Variants in GNA14 observed in about 807,000 individuals in gnomAD.
The protein encoded by GNA14 is guanine nucleotide-binding protein subunit alpha-14.
In GNA14, 50 loss-of-function variants were observed where a neutral mutation model predicts 42.0. The observed-to-expected ratio is 1.19, with a 90% CI of 0.95 to 1.51. The LOEUF (loss-of-function observed/expected upper bound fraction) is 1.51. Ranked by LOEUF, GNA14 falls within the 40% of genes most tolerant of loss-of-function variation. The pLI, the probability that GNA14 is intolerant of heterozygous loss-of-function variation, is 0.00. For synonymous variants in GNA14, 173 were observed against 163.1 expected (o/e 1.06, Z -0.46); for missense variants, 473 against 446.2 (o/e 1.06, Z -0.54).
intron 1 of GNA14, among the ~76,000 whole-genome samples, chr9:77,542,838 C>T (rs1481254703): frequency 3.3e-5 from 5 of 152,152 alleles, no homozygotes; most frequent in Admixed American, 1.3e-4. Context: ...CCCCTGATGG[C>T]AGGCTGAAGT....
Position 77,534,693 on chromosome 9 carries a change from C to T in GNA14, c.125-5440G>A, listed in dbSNP as rs143659260. Among the ~76,000 whole-genome samples, 812 of 152,274 alleles carry T rather than the reference C, an allele frequency of 5.3e-3. 9 individuals are homozygous for T. Among genetic ancestry groups the T allele is most frequent in the African/African-American group, 0.019 (778 of 41,550 alleles). ...CATGCTGTCTAAATCATCTATGTGCCCAACAGGCGGAAGACAGACATGCGC... is the reference window on the plus strand; with the variant it reads ...CATGCTGTCTAAATCATCTATGTGCTCAACAGGCGGAAGACAGACATGCGC... On this transcript the variant is annotated intron_variant, in intron 1 of 6. Coordinates refer to ENST00000341700, the MANE Select transcript of GNA14 (RefSeq NM_004297.4).
intron 2 of GNA14, among the ~76,000 whole-genome samples, chr9:77,464,860 G>A (rs1246200547): frequency 6.6e-6 from 1 of 152,128 alleles, no homozygotes; most frequent in Non-Finnish European, 1.5e-5. Flanking sequence ...TACAAGCAGT[G>A]TTTTTTTAAG....
intron 1 of GNA14, among the ~76,000 whole-genome samples, chr9:77,569,623 GAAGA>G (rs1189679317): frequency 1.3e-5 from 2 of 152,192 alleles, no homozygotes; most frequent in Non-Finnish European, 2.9e-5. Flanking sequence ...AAGGTGGAAA[GAAGA>G]AAGAGCCCAG....
chr9:77,599,743 A>T (rs551486611), intron 1 of GNA14, among the ~76,000 whole-genome samples: 1 of 152,254 alleles, frequency 6.6e-6, no homozygotes, highest in East Asian at 1.9e-4. Context: ...GCCTCCTTCA[A>T]TCTATGGCAT....
chr9:77,618,803 T>C (rs1164231303), intron 1 of GNA14, among the ~76,000 whole-genome samples: 1 of 146,832 alleles, frequency 6.8e-6, no homozygotes, highest in Non-Finnish European at 1.5e-5. Flanking sequence ...CCGGCTAATT[T>C]TTTGTATTTT....
intron 1 of GNA14, among the ~76,000 whole-genome samples, chr9:77,545,011 G>A (rs945890655): frequency 3.9e-5 from 6 of 152,020 alleles, no homozygotes; most frequent in African/African-American, 1.4e-4. Context: ...TTGTCCAAAA[G>A]TTTGGTTTTG....
intron 2 of GNA14, among the ~76,000 whole-genome samples, chr9:77,449,041 G>A (rs1370769553): frequency 6.6e-6 from 1 of 152,160 alleles, no homozygotes; most frequent in African/African-American, 2.4e-5. Flanking sequence ...TGGTATGATA[G>A]GATGTAAGAT....
chr9:77,639,960 C>G (rs1020444098), intron 1 of GNA14, among the ~76,000 whole-genome samples: 2 of 152,214 alleles, frequency 1.3e-5, no homozygotes, highest in East Asian at 1.9e-4. Context: ...TTTTCTTCCT[C>G]TAACAGTAGT....
intron 2 of GNA14, among the ~76,000 whole-genome samples, chr9:77,462,163 G>A (rs902332440): frequency 2.0e-5 from 3 of 152,028 alleles, no homozygotes; most frequent in Non-Finnish European, 4.4e-5. Context: ...CCGGAAACAC[G>A]ACATTTTCAT....
chr9:77,591,781 T>A (rs1447619307), intron 1 of GNA14, among the ~76,000 whole-genome samples: 2 of 152,122 alleles, frequency 1.3e-5, no homozygotes, highest in East Asian at 3.8e-4. Context: ...ATTTTAAACA[T>A]CCCGTCTGGC....
chr9:77,563,870 G>A (rs971244990), intron 1 of GNA14, among the ~76,000 whole-genome samples: 9 of 152,124 alleles, frequency 5.9e-5, no homozygotes, highest in African/African-American at 2.2e-4. Context: ...AGCATTACAT[G>A]TTTGTTTGTC....
chr9:77,589,395 TTTTTG>T (rs1387411458), intron 1 of GNA14, among the ~76,000 whole-genome samples: 2 of 152,214 alleles, frequency 1.3e-5, no homozygotes, highest in East Asian at 3.8e-4. Context: ...CGGTTTTCTT[TTTTTG>T]TTTTGTTTTT....
At chr9:77,517,596 T>C (rs1184334311) in intron 2 of GNA14, 22 of 62,712 alleles carry the variant, frequency 3.5e-4, no homozygotes, top group Middle Eastern at 6.9e-3. Context: ...TTTTCTTTTT[T>C]TTTTTTTTTT....
At chr9:77,524,659 C>CA (rs1243563152) in intron 2 of GNA14, among the ~76,000 whole-genome samples, 7 of 152,276 alleles carry the variant, frequency 4.6e-5, no homozygotes, top group Admixed American at 3.3e-4. Context: ...ATCAGTTTAT[C>CA]ATTTTATGAC....
rs1235175441 is a variant in GNA14 at position 77,425,643 on chromosome 9, T to A, written c.796A>T (p.Ile266Phe). 2 of 1,608,882 alleles carry A rather than the reference T, an allele frequency of 1.2e-6. No homozygotes were observed. Among genetic ancestry groups the A allele is most frequent in the South Asian group, 1.1e-5 (1 of 90,948 alleles). ...TYPWFLNSSV[I>F]LFLNKKDLLE... Reference sequence around the variant, plus strand: ...AGATCCTTCTTGTTCAAGAATAAAATCACAGACGAATTCAGAAACCAGGGG... The same window carrying A: ...AGATCCTTCTTGTTCAAGAATAAAAACACAGACGAATTCAGAAACCAGGGG... The change falls in exon 6 of 7, where the codon ATT becomes TTT. Residue 266 changes from isoleucine to phenylalanine, a missense_variant. By Grantham distance (21) the Ile-to-Phe change is conservative. Coordinates refer to ENST00000341700, the MANE Select transcript of GNA14 (RefSeq NM_004297.4).
At chr9:77,460,952 C>T (rs1587774941) in intron 2 of GNA14, among the ~76,000 whole-genome samples, 3 of 152,200 alleles carry the variant, frequency 2.0e-5, no homozygotes, top group Non-Finnish European at 4.4e-5. Context: ...GGATCACAGA[C>T]GTCAAGGGCT....
intron 1 of GNA14, among the ~76,000 whole-genome samples, chr9:77,646,136 T>C (rs1824347529): frequency 6.6e-6 from 1 of 152,112 alleles, no homozygotes; most frequent in Non-Finnish European, 1.5e-5. Flanking sequence ...CCCCTTCCCT[T>C]CCCCACCCAA....
At chr9:77,544,751 T>C (rs1255095792) in intron 1 of GNA14, among the ~76,000 whole-genome samples, 3 of 152,228 alleles carry the variant, frequency 2.0e-5, no homozygotes, top group African/African-American at 7.2e-5. Context: ...ATAATTGTTT[T>C]ACTTTCTTAA....
intron 1 of GNA14, among the ~76,000 whole-genome samples, chr9:77,567,270 A>G (rs754203614): frequency 1.6e-4 from 24 of 152,160 alleles, no homozygotes; most frequent in Non-Finnish European, 2.8e-4. Flanking sequence ...CAAAAATGCA[A>G]ATTTTCACTA....
Sources: gnomAD v4.1 joint callset for allele counts (sites outside exome capture counted in the v4.1 genomes callset) on GRCh38, gnomAD v4.1.1 for gene constraint, MANE v1.5 for transcripts, NCBI Gene and HGNC (gene_info 2026-07-23, HGNC 2026-07-21) for gene names.